The following SCUBE1 variants were observed in gnomAD, a reference collection of about 807,000 sequenced individuals.
SCUBE1 encodes the protein signal peptide, CUB domain and EGF like domain containing 1, also known as signal peptide, CUB and EGF-like domain-containing protein 1.
Under a neutral mutation model 124.4 loss-of-function variants are expected in SCUBE1, and 59 were observed. The ratio of observed to expected loss-of-function variants is 0.47; its 90% CI spans 0.38 to 0.59. The LOEUF is 0.59. SCUBE1 is among the 20% of genes least tolerant of loss of function. The pLI is 0.00. For missense variants in SCUBE1, 1,150 were observed against 1,371.2 expected, an observed-to-expected ratio of 0.84 and a Z score of 2.55; for synonymous variants, 545 against 550.9, an observed-to-expected ratio of 0.99 and a Z score of 0.15.
rs1183046412 is a variant in SCUBE1, at chr22:43,197,351, G to T, written c.*6646C>A. The stretch of plus-strand genomic sequence containing the variant: ...TTCATTACATGCATATGGGGGACAT[G>T]ATGGATAAAACAAAACTGAATATTT... On this transcript the variant is annotated 3_prime_UTR_variant, in exon 22 of 22. Transcript: ENST00000360835. The T allele has an allele frequency of 6.6e-6, 1 of 152,250 alleles. No individual in the cohort carries two copies. The highest frequency in any genetic ancestry group is 2.4e-5 in the African/African-American group (1 of 41,470). 9.4% of individuals were successfully genotyped at this position (152,250 alleles called of 1,614,324 possible).
chr22:43,223,210 C>G lies in SCUBE1; in HGVS notation c.1214G>C (p.Gly405Ala). 6.4e-7 allele frequency: 1 copy of G among 1,570,822 alleles called. No homozygotes were observed. Among genetic ancestry groups the G allele is most frequent in the East Asian group, 2.3e-5 (1 of 42,558 alleles). Residue 405 changes from glycine (G) to alanine (A), a missense_variant, in exon 11 of 22, where the codon GGC (glycine) becomes GCC (alanine). By Grantham distance (60) the Gly-to-Ala change is moderately conservative. Transcript: ENST00000360835. Reference protein sequence around the residue: ...HWNGKDCVETGKCLSRAKTSP... With the variant: ...HWNGKDCVETAKCLSRAKTSP... Reference sequence around the variant, plus strand: ...GGTCTTGGCGCGAGAAAGACACTTGCCTGTCTCTATGAAGGGAGATACGAG... The same window carrying G: ...GGTCTTGGCGCGAGAAAGACACTTGGCTGTCTCTATGAAGGGAGATACGAG...
At chr22:43,320,151 T>G in intron 2 of SCUBE1, 86 bp from the exon 3 acceptor site, 1 of 1,519,862 alleles carries the variant, frequency 6.6e-7, no homozygotes, top group South Asian at 1.2e-5. Context: ...GGGATCTGAG[T>G]GATTAGGGGA....
chr22:43,305,802 A>G (rs1483155727), intron 3 of SCUBE1, among the ~76,000 whole-genome samples: 1 of 152,156 alleles, frequency 6.6e-6, no homozygotes, highest in Non-Finnish European at 1.5e-5. Flanking sequence ...TCCTCTCCCC[A>G]TCATTAAAGT....
chr22:43,298,101 T>C (rs1925631706), intron 3 of SCUBE1, among the ~76,000 whole-genome samples: 1 of 152,264 alleles, frequency 6.6e-6, no homozygotes. Flanking sequence ...CTCTTGGCTA[T>C]CTAGCGGCTC....
intron 10 of SCUBE1, among the ~76,000 whole-genome samples, chr22:43,226,555 C>A (rs1250344881): frequency 6.7e-6 from 1 of 148,864 alleles, no homozygotes; most frequent in African/African-American, 2.5e-5. Flanking sequence ...CTGGCGGCAG[C>A]CTTCGGGCCA....
intron 2 of SCUBE1, among the ~76,000 whole-genome samples, chr22:43,331,223 G>A (rs369187061): frequency 2.0e-5 from 3 of 152,044 alleles, no homozygotes; most frequent in South Asian, 2.1e-4. Context: ...AGTAGACGCC[G>A]GGGATATAAA....
intron 4 of SCUBE1, among the ~76,000 whole-genome samples, chr22:43,265,671 C>A (rs1192501965): frequency 6.6e-6 from 1 of 152,266 alleles, no homozygotes; most frequent in East Asian, 1.9e-4. Context: ...GACCTCTTTA[C>A]ATTCCTGACA....
At chr22:43,306,929 A>G (rs1306322866) in intron 3 of SCUBE1, among the ~76,000 whole-genome samples, 3 of 152,182 alleles carry the variant, frequency 2.0e-5, no homozygotes, top group Non-Finnish European at 4.4e-5. Context: ...CAGCGCTTCT[A>G]CCCAGCTCCA....
chr22:43,218,536 G>A (rs1339094779), intron 14 of SCUBE1, 78 bp from the exon 15 acceptor site: 18 of 1,502,480 alleles, frequency 1.2e-5, no homozygotes, highest in Middle Eastern at 1.9e-4. Context: ...GGGCTCCCCC[G>A]TGCCAGGCCC....
At chr22:43,206,154 ACC>A (rs143690304) in intron 21 of SCUBE1, among the ~76,000 whole-genome samples, 2,385 of 45,394 alleles carry the variant, frequency 0.053, 79 homozygotes, top group South Asian at 0.075. Context: ...TTCACCACAC[ACC>A]CCCCCAAACA....
chr22:43,319,371 C>A (rs938213243), intron 3 of SCUBE1, among the ~76,000 whole-genome samples: 1 of 151,926 alleles, frequency 6.6e-6, no homozygotes, highest in Non-Finnish European at 1.5e-5. Flanking sequence ...TCGAGACCAG[C>A]CTGGCAACCA....
rs186273364 is a variant in SCUBE1 at position 43,329,966 on chromosome 22, G to C, written c.220+9138C>G. On this transcript the variant is annotated intron_variant, in intron 2 of 21. Coordinates refer to ENST00000360835, the MANE Select transcript of SCUBE1 (RefSeq NM_173050.5). ...AGGAGGCGAGAGGGCCCAGAGGAAG[G>C]GGGCAGAGAGGGGCTGCTGCCTGGG... Among the ~76,000 whole-genome samples, 246 of 152,234 alleles carry C rather than the reference G, an allele frequency of 1.6e-3. 2 individuals are homozygous for C. The highest frequency in any genetic ancestry group is 2.6e-3 in the Non-Finnish European group (176 of 67,990).
chr22:43,286,147 G>T (rs770533311), intron 4 of SCUBE1, among the ~76,000 whole-genome samples: 12 of 152,364 alleles, frequency 7.9e-5, no homozygotes, highest in Non-Finnish European at 1.5e-4. Context: ...CAAATCACAT[G>T]AATAAGAGCC....
At chr22:43,329,178 C>T (rs1176753408) in intron 2 of SCUBE1, among the ~76,000 whole-genome samples, 3 of 152,336 alleles carry the variant, frequency 2.0e-5, no homozygotes, top group East Asian at 1.9e-4. Context: ...CAGCCTGGAG[C>T]GGGGAATGAC....
chr22:43,324,251 G>A (rs777936175), intron 2 of SCUBE1, among the ~76,000 whole-genome samples: 4 of 152,160 alleles, frequency 2.6e-5, no homozygotes, highest in East Asian at 1.9e-4. Context: ...TAAAGATATC[G>A]TTGAATAGTC....
intron 14 of SCUBE1, 21 bp downstream of exon 14, chr22:43,220,429 C>T (rs1477633249): frequency 2.5e-6 from 4 of 1,611,358 alleles, no homozygotes; most frequent in South Asian, 2.2e-5. Flanking sequence ...GCAGAAGCCC[C>T]CAGGAGAACC....
chr22:43,342,346 C>T (rs1927347233), intron 1 of SCUBE1, among the ~76,000 whole-genome samples: 1 of 152,014 alleles, frequency 6.6e-6, no homozygotes, highest in Non-Finnish European at 1.5e-5. Flanking sequence ...GCTCCACCGA[C>T]GTCCCGCGTC....
chr22:43,341,171 G>C (rs576036513), intron 1 of SCUBE1, among the ~76,000 whole-genome samples: 2 of 147,388 alleles, frequency 1.4e-5, no homozygotes, highest in African/African-American at 5.1e-5. Context: ...ATCTGCTCAG[G>C]TGGGCGGCCT....
chr22:43,212,377 A>AG, intron 17 of SCUBE1, 48 bp downstream of exon 17: 9 of 1,532,740 alleles, frequency 5.9e-6, no homozygotes, highest in Non-Finnish European at 7.9e-6. Context: ...GGAGCAGTGC[A>AG]GCCCTGCCTC....
Sources: allele counts gnomAD v4.1 joint callset (sites outside exome capture counted in the v4.1 genomes callset), GRCh38; gene constraint gnomAD v4.1.1; transcripts MANE v1.5; gene names NCBI Gene and HGNC (gene_info 2026-07-23, HGNC 2026-07-21).